Variants in AQP7B observed in about 807,000 individuals in gnomAD.
AQP7B encodes aquaporin 7B.
chr2:94,600,084 G>A, the AQP7B span, among the ~76,000 whole-genome samples: 6 of 151,834 alleles, frequency 4.0e-5, no homozygotes, highest in African/African-American at 1.5e-4. Context: ...TTGTCATGCT[G>A]GTCTTGAACT....
chr2:94,599,964 C>T, the AQP7B span, among the ~76,000 whole-genome samples: 198 of 151,910 alleles, frequency 1.3e-3, no homozygotes, highest in African/African-American at 4.1e-3. Context: ...CTGCAAGCTC[C>T]GCCTCCTGGG....
At chr2:94,592,697 C>T in the AQP7B span, among the ~76,000 whole-genome samples, 1 of 151,868 alleles carries the variant, frequency 6.6e-6, no homozygotes, top group Non-Finnish European at 1.5e-5. Flanking sequence ...AGGCAACAAC[C>T]AGCCAAGGAA....
the AQP7B span, chr2:94,602,605 C>A: frequency 1.3e-6 from 2 of 1,595,230 alleles, no homozygotes; most frequent in Non-Finnish European, 8.6e-7. Context: ...ACGTGGCAGG[C>A]CGCATCTCTG....
At chr2:94,597,154 C>T in the AQP7B span, among the ~76,000 whole-genome samples, 1 of 152,166 alleles carries the variant, frequency 6.6e-6, no homozygotes, top group Non-Finnish European at 1.5e-5. Context: ...CCCTACTCCT[C>T]TCTTACCTCC....
At chr2:94,603,329 C>T in the AQP7B span, 405 of 1,541,990 alleles carry the variant, frequency 2.6e-4, 8 homozygotes, top group South Asian at 4.6e-3. Flanking sequence ...ATTTCTGGGA[C>T]CCCAGTGGGG....
chr2:94,593,714 A>G, the AQP7B span, among the ~76,000 whole-genome samples: 151,981 of 151,982 alleles, frequency 1, 75,990 homozygotes, highest in Non-Finnish European at 1. Flanking sequence ...TCGAACTCCC[A>G]ACCTCAGGTG....
the AQP7B span, among the ~76,000 whole-genome samples, chr2:94,601,439 C>T: frequency 3.3e-5 from 5 of 152,146 alleles, no homozygotes; most frequent in South Asian, 2.1e-4. Flanking sequence ...ACAGAGGTGA[C>T]GGGAATTTTA....
At chr2:94,592,998 A>AT in the AQP7B span, among the ~76,000 whole-genome samples, 34 of 148,552 alleles carry the variant, frequency 2.3e-4, no homozygotes, top group African/African-American at 5.2e-4. Context: ...TAATTTTTGT[A>AT]TTTTTTTTTC....
At chr2:94,589,612 G>T in the AQP7B span, among the ~76,000 whole-genome samples, 2 of 152,106 alleles carry the variant, frequency 1.3e-5, no homozygotes, top group Non-Finnish European at 2.9e-5. Flanking sequence ...CACAAGCAGG[G>T]ATATTTGCCT....
the AQP7B span, among the ~76,000 whole-genome samples, chr2:94,599,615 A>G: frequency 2.0e-5 from 3 of 151,120 alleles, no homozygotes; most frequent in East Asian, 2.0e-4. Context: ...TTCCTGGAGG[A>G]CCCCTCCACT....
At chr2:94,592,790 GA>G in the AQP7B span, among the ~76,000 whole-genome samples, 2 of 120,216 alleles carry the variant, frequency 1.7e-5, no homozygotes, top group African/African-American at 6.2e-5. Context: ...CCCTTAGGAA[GA>G]AAAACTGTTA....
the AQP7B span, chr2:94,603,428 C>T: frequency 1.2e-6 from 2 of 1,610,236 alleles, no homozygotes; most frequent in Admixed American, 3.3e-5. Context: ...GTGACCGGTC[C>T]CTTTGCTACA....
At chr2:94,595,099 G>A in the AQP7B span, among the ~76,000 whole-genome samples, 1 of 152,102 alleles carries the variant, frequency 6.6e-6, no homozygotes, top group African/African-American at 2.4e-5. Context: ...TGGGGTATCC[G>A]GGGCACGGCT....
the AQP7B span, among the ~76,000 whole-genome samples, chr2:94,599,602 T>A: frequency 1.3e-5 from 2 of 152,100 alleles, no homozygotes; most frequent in African/African-American, 4.8e-5. Context: ...CGGGGTCCTC[T>A]CCTTCCTGGA....
At chr2:94,594,025 A>G in the AQP7B span, among the ~76,000 whole-genome samples, 1 of 152,122 alleles carries the variant, frequency 6.6e-6, no homozygotes, top group African/African-American at 2.4e-5. Flanking sequence ...ATTTATTCAC[A>G]TCTACTATGT....
At chr2:94,598,068 T>C in the AQP7B span, among the ~76,000 whole-genome samples, 1 of 152,086 alleles carries the variant, frequency 6.6e-6, no homozygotes, top group Non-Finnish European at 1.5e-5. Context: ...ATTTATAGAG[T>C]GGGAGAAAAA....
the AQP7B span, among the ~76,000 whole-genome samples, chr2:94,587,764 G>A: frequency 2.0e-5 from 3 of 152,162 alleles, no homozygotes; most frequent in African/African-American, 7.2e-5. Flanking sequence ...ACCACAGGGG[G>A]AGGCGTGCAG....
the AQP7B span, chr2:94,604,398 T>C: frequency 6.2e-7 from 1 of 1,611,502 alleles, no homozygotes; most frequent in Non-Finnish European, 8.5e-7. Flanking sequence ...CGGGAGCCCC[T>C]GAAATTGGAG....
At chr2:94,593,606 C>T in the AQP7B span, among the ~76,000 whole-genome samples, 1 of 151,710 alleles carries the variant, frequency 6.6e-6, no homozygotes, top group African/African-American at 2.4e-5. Flanking sequence ...CTGCCTCAGC[C>T]TCCGAAGTAG....
Sources: allele counts gnomAD v4.1 joint callset (sites outside exome capture counted in the v4.1 genomes callset), GRCh38; gene constraint gnomAD v4.1.1; transcripts MANE v1.5; gene names NCBI Gene and HGNC (gene_info 2026-07-23, HGNC 2026-07-21).